The following NBPF12 variants were observed in gnomAD, a reference collection of about 807,000 sequenced individuals.
NBPF12 encodes NBPF family member NBPF12.
Under a neutral mutation model 146.4 loss-of-function variants are expected in NBPF12, and 115 were observed. The ratio of observed to expected loss-of-function variants is 0.79; its 90% CI spans 0.68 to 0.92. The LOEUF (loss-of-function observed/expected upper bound fraction) is 0.92. Ranked by LOEUF, NBPF12 falls within the 40% of genes least tolerant of loss-of-function variation. The probability of loss-of-function intolerance (pLI) is 0.00; values close to 1 mark genes in which losing one functional copy is unlikely to be tolerated. For synonymous variants in NBPF12, 385 were observed against 508.9 expected, an observed-to-expected ratio of 0.76 and a Z score of 3.28; for missense variants, 1,205 against 1,326.8, an observed-to-expected ratio of 0.91 and a Z score of 1.43.
At chr1:146,945,160 CTCTT>C (rs1464659990), upstream of NBPF12, among the ~76,000 whole-genome samples, 6 of 149,778 alleles carry the variant, frequency 4.0e-5, no homozygotes, top group South Asian at 2.1e-4. Flanking sequence ...CTCATGCTCT[CTCTT>C]TTTCTTTCCT....
In NBPF12 at chr1:146,957,793, C is replaced by G. The variant is rs1351750113; in HGVS notation, c.-183-2066C>G. 6 of 129,894 alleles carry G rather than the reference C, an allele frequency of 4.6e-5. 1 individual carries two copies. Among genetic ancestry groups the G allele is most frequent in the Non-Finnish European group, 8.4e-5 (5 of 59,766 alleles). 8.0% of individuals were successfully genotyped at this position (129,894 alleles called of 1,614,324 possible). A position where few individuals can be genotyped will look rare whatever the true frequency, so the allele number is the denominator to read the frequency against. On this transcript the variant is annotated intron_variant, in intron 2 of 33. Transcript: ENST00000617844. ...GTCCTCCTCGCCACGACTCTGCTAG[C>G]TGTGCAGTAGCCCTCGCTCCGCCAC...
At chr1:146,971,263 G>T in exon 13 of NBPF12, 2 of 1,612,352 alleles carry the variant, frequency 1.2e-6, no homozygotes, top group South Asian at 1.1e-5. Context: ...AATAGCCACG[G>T]CCCTTGTGAC....
intron 2 of NBPF12, 110 bp downstream of exon 2, chr1:146,943,672 C>T (rs1553883052): frequency 2.2e-5 from 15 of 673,988 alleles, no homozygotes; most frequent in Middle Eastern, 6.4e-4. Flanking sequence ...CAGGGCCTTG[C>T]GTGGCATCAA....
exon 13 of NBPF12, chr1:146,971,261 C>G: frequency 6.2e-7 from 1 of 1,612,468 alleles, no homozygotes; most frequent in East Asian, 2.2e-5. Flanking sequence ...CAAATAGCCA[C>G]GGCCCTTGTG....
intron 9 of NBPF12, among the ~76,000 whole-genome samples, chr1:146,967,415 C>A (rs1656276641): frequency 6.6e-6 from 1 of 150,478 alleles, no homozygotes; most frequent in South Asian, 2.1e-4. Flanking sequence ...GCAGTAGAAT[C>A]CTTTGAACCC....
chr1:146,988,640 AC>A (rs1657948207), intron 26 of NBPF12, among the ~76,000 whole-genome samples, 200 bp from the exon 30 acceptor site: 1 of 151,490 alleles, frequency 6.6e-6, no homozygotes, highest in Non-Finnish European at 1.5e-5. Flanking sequence ...TAGAATAGGG[AC>A]ATTTTACCCA....
At chr1:146,961,531 T>A (rs1259829138) in intron 4 of NBPF12, among the ~76,000 whole-genome samples, 6 of 152,180 alleles carry the variant, frequency 3.9e-5, no homozygotes, top group African/African-American at 1.4e-4. Context: ...CACAAACTAA[T>A]CTTATACTGT....
At chr1:146,970,174 C>T (rs1656499168) in intron 11 of NBPF12, among the ~76,000 whole-genome samples, 1 of 150,534 alleles carries the variant, frequency 6.6e-6, no homozygotes, top group Non-Finnish European at 1.5e-5. Context: ...GGAGCACTCC[C>T]CATGGATAGA....
chr1:146,944,323 G>A (rs1301315455), upstream of NBPF12, among the ~76,000 whole-genome samples: 1 of 142,716 alleles, frequency 7.0e-6, no homozygotes, highest in African/African-American at 2.5e-5. Context: ...CAGGCATTGA[G>A]AGGGGGAGAA....
chr1:146,940,136 TA>T (rs1654731962), intron 1 of NBPF12, among the ~76,000 whole-genome samples: 1 of 152,132 alleles, frequency 6.6e-6, no homozygotes, highest in African/African-American at 2.4e-5. Context: ...TCTGAGCTGT[TA>T]TGCATTAATA....
chr1:146,971,617 C>G (rs1553886470), intron 13 of NBPF12, among the ~76,000 whole-genome samples: 32 of 147,330 alleles, frequency 2.2e-4, no homozygotes, highest in African/African-American at 8.3e-4. Flanking sequence ...TGGTGAAACC[C>G]ATCTTTACGA....
In NBPF12 at chr1:146,971,122, C is replaced by T; in HGVS notation, c.1380-61C>T. The T allele has an allele frequency of 5.6e-6, 9 of 1,608,472 alleles. 1 individual carries two copies. Among genetic ancestry groups the T allele is most frequent in the South Asian group, 4.4e-5 (4 of 90,898 alleles). On this transcript the variant is annotated intron_variant, in intron 12 of 33. Transcript: ENST00000617844. ...CGCTTGTCAAAACCAGCTAGGACTCCTTGGGGTCCAATCCCTCTGTGTTTA... is the reference window on the plus strand; with the variant it reads ...CGCTTGTCAAAACCAGCTAGGACTCTTTGGGGTCCAATCCCTCTGTGTTTA...
chr1:146,972,786 A>G (rs1656740324), exon 14 of NBPF12: 4 of 1,278,788 alleles, frequency 3.1e-6, no homozygotes, highest in Non-Finnish European at 4.6e-6. Flanking sequence ...AAACGTCAGC[A>G]TGGTGGTATC....
intron 2 of NBPF12, among the ~76,000 whole-genome samples, chr1:146,955,023 C>T (rs1445987440): frequency 9.2e-6 from 1 of 108,448 alleles, no homozygotes; most frequent in African/African-American, 3.5e-5. Flanking sequence ...TACACACACA[C>T]ACACATATAT....
At chr1:146,980,407 C>G (rs1460948897) in intron 19 of NBPF12, among the ~76,000 whole-genome samples, 3 of 152,020 alleles carry the variant, frequency 2.0e-5, no homozygotes, top group African/African-American at 7.3e-5. Context: ...TTCTTCCTAG[C>G]TTCAATGGTC....
chr1:146,972,382 A>T (rs1656704169), intron 13 of NBPF12, among the ~76,000 whole-genome samples: 1 of 151,268 alleles, frequency 6.6e-6, no homozygotes, highest in East Asian at 1.9e-4. Flanking sequence ...TGACAGAGTG[A>T]GACGCCGTCT....
intron 1 of NBPF12, among the ~76,000 whole-genome samples, chr1:146,940,664 G>A (rs1330044854): frequency 6.6e-6 from 1 of 151,844 alleles, no homozygotes; most frequent in African/African-American, 2.4e-5. Flanking sequence ...TGGCATTGTT[G>A]GTTTTAGAGC....
rs1365239990 is a variant in NBPF12, at chr1:146,966,353, T to A, written c.779-111T>A. ...TGACAAGAGTGAAACCAGGGAAACA[T>A]CATCTTCGAATAAGTACACAAGGCT... On this transcript the variant is annotated intron_variant, in intron 8 of 33. Transcript: ENST00000617844. The A allele has an allele frequency of 1.2e-4, 119 of 978,616 alleles. 4 individuals carry two copies. In the African/African-American group the frequency reaches 1.6e-3, roughly 13 times the overall value. 60.6% of individuals were successfully genotyped at this position (978,616 alleles called of 1,614,324 possible).
exon 34 of NBPF12, chr1:146,994,617 G>T (rs782067548): frequency 6.9e-6 from 11 of 1,589,272 alleles, no homozygotes; most frequent in South Asian, 1.1e-5. Flanking sequence ...CTGCAGGCAG[G>T]ACCTATAGGC....
Sources: gnomAD v4.1 joint callset for allele counts (sites outside exome capture counted in the v4.1 genomes callset) on GRCh38, gnomAD v4.1.1 for gene constraint, MANE v1.5 for transcripts, NCBI Gene and HGNC (gene_info 2026-07-23, HGNC 2026-07-21) for gene names.